The following KMT2C variants were observed in gnomAD, a reference collection of about 807,000 sequenced individuals.
The protein encoded by KMT2C is histone-lysine N-methyltransferase 2C.
Under a neutral mutation model 507.9 loss-of-function variants are expected in KMT2C, and 88 were observed. That is an observed-to-expected ratio of 0.17 (90% CI 0.15 to 0.21). The LOEUF is 0.21. Ranked by LOEUF, KMT2C falls within the 10% of genes least tolerant of loss-of-function variation. KMT2C has a pLI of 1.00. For missense variants in KMT2C, 4,954 were observed against 5,957.8 expected (o/e 0.83, Z 5.55); for synonymous variants, 2,049 against 2,080.8 (o/e 0.98, Z 0.42).
intron 33 of KMT2C, among the ~76,000 whole-genome samples, chr7:152,186,605 T>C (rs1430229012): frequency 6.6e-6 from 1 of 152,230 alleles, no homozygotes; most frequent in Admixed American, 6.5e-5. Context: ...CCTCTAGTAA[T>C]TTAAGAGTTT....
In KMT2C at chr7:152,259,434, A is replaced by ACACACACACG. The variant is rs1491434498; in HGVS notation, c.1299+3572_1299+3581dup. ...AGGGGGAATAGAGACAAAAACACAG[A>ACACACACACG]CACACACACGCGCACACACACACAC... On this transcript the variant is annotated intron_variant, in intron 9 of 58. Transcript: ENST00000262189. 3.4e-3 allele frequency among the ~76,000 whole-genome samples: 406 copies of ACACACACACG among 120,894 alleles called. 1 individual carries two copies. The highest frequency in any genetic ancestry group is 0.015 in the African/African-American group (387 of 24,992). The allele number at this position is 120,894 out of a possible 152,430, so 79.3% of individuals were successfully genotyped here. A position where few individuals can be genotyped will look rare whatever the true frequency, so the allele number is the denominator to read the frequency against.
intron 6 of KMT2C, among the ~76,000 whole-genome samples, chr7:152,307,191 GAGGGAGGAAGGAAGGAAGGAAGGA>G (rs1240939116): frequency 4.9e-4 from 43 of 88,214 alleles, no homozygotes; most frequent in Admixed American, 2.4e-3. Flanking sequence ...AAGGAAAGAA[GAGGGAGGAAGGAAGGAAGGAAGGA>G]AGGAAGGAAG....
intron 2 of KMT2C, 42 bp from the exon 3 acceptor site, chr7:152,330,781 TG>T (rs2096874955): frequency 1.3e-6 from 2 of 1,591,106 alleles, no homozygotes; most frequent in Non-Finnish European, 1.7e-6. Flanking sequence ...GTCATTTTTG[TG>T]TTTATTTTAA....
chr7:152,274,867 C>G (rs1263866041), intron 6 of KMT2C, among the ~76,000 whole-genome samples: 1 of 152,170 alleles, frequency 6.6e-6, no homozygotes, highest in Non-Finnish European at 1.5e-5. Context: ...ATCCAAAGCA[C>G]CAAAAATGCT....
chr7:152,315,669 C>T (rs773959940), intron 3 of KMT2C, among the ~76,000 whole-genome samples: 14 of 152,170 alleles, frequency 9.2e-5, no homozygotes, highest in Non-Finnish European at 1.9e-4. Flanking sequence ...GGGCCAAGCA[C>T]GGTGGCTCAT....
chr7:152,395,302 G>A (rs1022001455), intron 1 of KMT2C, among the ~76,000 whole-genome samples: 4 of 151,086 alleles, frequency 2.6e-5, no homozygotes, highest in African/African-American at 7.3e-5. Context: ...CTCCCATCTC[G>A]ACTCCTGAGT....
intron 1 of KMT2C, among the ~76,000 whole-genome samples, chr7:152,410,350 T>C (rs1184419168): frequency 6.6e-6 from 1 of 151,810 alleles, no homozygotes; most frequent in Non-Finnish European, 1.5e-5. Flanking sequence ...AGGCGGAGCT[T>C]GCACTGAGTC....
intron 9 of KMT2C, among the ~76,000 whole-genome samples, chr7:152,256,316 C>T (rs1422209114): frequency 6.6e-6 from 1 of 151,862 alleles, no homozygotes; most frequent in Non-Finnish European, 1.5e-5. Flanking sequence ...AAGAAAGAAA[C>T]TTTTGCATGG....
intron 2 of KMT2C, among the ~76,000 whole-genome samples, chr7:152,348,548 G>A (rs568088793): frequency 1.1e-4 from 16 of 141,782 alleles, no homozygotes; most frequent in East Asian, 1.1e-3. Context: ...GCAGTGAGCC[G>A]AGATTGTGCC....
chr7:152,257,626 G>C (rs1222711295), intron 9 of KMT2C, among the ~76,000 whole-genome samples: 1 of 152,174 alleles, frequency 6.6e-6, no homozygotes, highest in African/African-American at 2.4e-5. Context: ...TAGAAGAACA[G>C]ACATGCAAGA....
At chr7:152,362,614 G>A (rs186390166) in intron 1 of KMT2C, among the ~76,000 whole-genome samples, 39 of 152,166 alleles carry the variant, frequency 2.6e-4, no homozygotes, top group Admixed American at 1.8e-3. Context: ...ATTGGAAACC[G>A]TATGGTTTAG....
chr7:152,352,239 ATCCCC>A (rs1457909149), intron 2 of KMT2C, among the ~76,000 whole-genome samples: 1 of 152,180 alleles, frequency 6.6e-6, no homozygotes, highest in Non-Finnish European at 1.5e-5. Context: ...GGAAGAGGAT[ATCCCC>A]GCCTAATAAA....
intron 7 of KMT2C, among the ~76,000 whole-genome samples, chr7:152,271,998 G>C (rs2095984700): frequency 6.6e-6 from 1 of 151,684 alleles, no homozygotes; most frequent in South Asian, 2.1e-4. Context: ...TATATTTTTG[G>C]GGGGGGTCTC....
intron 15 of KMT2C, among the ~76,000 whole-genome samples, chr7:152,237,033 C>T (rs1336077008): frequency 6.6e-6 from 1 of 151,984 alleles, no homozygotes; most frequent in African/African-American, 2.4e-5. Flanking sequence ...CATTAAGTAC[C>T]AGAGTATGGT....
intron 2 of KMT2C, among the ~76,000 whole-genome samples, chr7:152,332,358 T>C (rs763323317): frequency 6.6e-6 from 1 of 152,226 alleles, no homozygotes; most frequent in Non-Finnish European, 1.5e-5. Flanking sequence ...GGCTGGCTCC[T>C]TCTTTTCTAA....
chr7:152,276,994 G>A (rs1348556919), intron 6 of KMT2C, among the ~76,000 whole-genome samples: 3 of 152,080 alleles, frequency 2.0e-5, no homozygotes, highest in Non-Finnish European at 4.4e-5. Context: ...TTTTAAGAAT[G>A]AGTCTGAGGA....
rs567984906 is a variant in KMT2C, at chr7:152,163,343, G to C, written c.10234C>G (p.Arg3412Gly). The part of the protein sequence containing the change: ...ERLREQQERQ[R>G]IQLMQEVDRQ... ...TCTACCTCCTGCATGAGTTGGATCC[G>C]TTGTCTCTCTTGCTGTTCTCGTAAA... Residue 3412 changes from arginine to glycine, a missense_variant, in exon 43 of 59, where the codon CGG becomes GGG. Physicochemically the swap from Arg to Gly is moderately radical, Grantham distance 125 (BLOSUM62 -2). Around this residue, in one of 29 missense-constraint regions of KMT2C, gnomAD observed 801 missense variants for 751.2 expected, o/e 1.07. Transcript: ENST00000262189. 1.2e-6 allele frequency: 2 copies of C among 1,614,144 alleles called. No individual in the cohort carries two copies. Among genetic ancestry groups the C allele is most frequent in the East Asian group, 4.5e-5 (2 of 44,886 alleles).
intron 27 of KMT2C, among the ~76,000 whole-genome samples, chr7:152,196,656 G>A (rs772155643): frequency 3.3e-5 from 5 of 152,190 alleles, no homozygotes; most frequent in African/African-American, 9.7e-5. Flanking sequence ...GTAAATAAAC[G>A]ACATCGCTGT....
intron 6 of KMT2C, among the ~76,000 whole-genome samples, chr7:152,295,764 TG>T (rs1322666648): frequency 2.0e-5 from 3 of 152,144 alleles, no homozygotes; most frequent in African/African-American, 7.2e-5. Context: ...TATCAGTTAT[TG>T]GTTTAAGATA....
Sources: gnomAD v4.1 joint callset for allele counts (sites outside exome capture counted in the v4.1 genomes callset) on GRCh38, gnomAD v4.1.1 for gene constraint, gnomAD v4.1.1 regional missense constraint, MANE v1.5 for transcripts, NCBI Gene and HGNC (gene_info 2026-07-23, HGNC 2026-07-21) for gene names.